The following TRPM1 variants were observed in gnomAD, a reference collection of about 807,000 sequenced individuals.
The protein encoded by TRPM1 is TRPM1-203 APA Isoform, Intron 10.
In TRPM1, 113 loss-of-function variants were observed where a neutral mutation model predicts 149.4. That is an observed-to-expected ratio of 0.76 (90% confidence interval 0.65 to 0.88). The LOEUF is 0.88. TRPM1 is among the 40% of genes least tolerant of loss of function. The pLI, the probability that TRPM1 is intolerant of heterozygous loss-of-function variation, is 0.00. For missense variants in TRPM1, 1,976 were observed against 2,038.7 expected, an observed-to-expected ratio of 0.97 and a Z score of 0.59; for synonymous variants, 741 against 759.5, an observed-to-expected ratio of 0.98 and a Z score of 0.40.
rs180869804 is a variant in TRPM1 at position 31,037,739 on chromosome 15, G to A, written c.2543C>T (p.Ala848Val). The A allele has an allele frequency of 3.2e-5, 52 of 1,614,182 alleles. No individual in the cohort carries two copies. The highest frequency in any genetic ancestry group is 2.2e-4 in the East Asian group (10 of 44,890). The change falls in exon 20 of 28, where the codon GCG becomes GTG. Residue 848 changes from alanine (A) to valine (V), a missense_variant. This residue lies in a region of TRPM1 where 1,332 missense variants were observed against 1,347.1 expected (regional missense o/e 0.99). Transcript: ENST00000256552. ...GTAAAACCAGAACTTGACAATGGGC[G>A]CGTTATAGAATTCACAGATCTTTGT... Reference protein sequence around the residue: ...IGTKICEFYNAPIVKFWFYTI... With the variant: ...IGTKICEFYNVPIVKFWFYTI...
chr15:31,096,821 G>T (rs1473239124), intron 1 of TRPM1, among the ~76,000 whole-genome samples: 1 of 152,190 alleles, frequency 6.6e-6, no homozygotes, highest in Non-Finnish European at 1.5e-5. Flanking sequence ...TCACCAGAGT[G>T]CTCAGGCACT....
At chr15:31,098,846 T>G (rs963566021) in intron 1 of TRPM1, among the ~76,000 whole-genome samples, 34 of 148,694 alleles carry the variant, frequency 2.3e-4, no homozygotes, top group African/African-American at 8.2e-4. Context: ...GGCCAGGGAT[T>G]GGGGGAGCGG....
At chr15:31,088,437 T>C (rs1323983787) in intron 1 of TRPM1, among the ~76,000 whole-genome samples, 1 of 152,154 alleles carries the variant, frequency 6.6e-6, no homozygotes, top group East Asian at 1.9e-4. Context: ...TTAAGAGCTG[T>C]AACACTGACT....
chr15:31,150,157 AT>A (rs1348844587), intron 1 of TRPM1, among the ~76,000 whole-genome samples: 3 of 152,112 alleles, frequency 2.0e-5, no homozygotes. Flanking sequence ...ATGGTGATGT[AT>A]TTTGCATGGA....
At chr15:31,108,741 G>T (rs1403529207) in intron 1 of TRPM1, among the ~76,000 whole-genome samples, 1 of 152,232 alleles carries the variant, frequency 6.6e-6, no homozygotes, top group African/African-American at 2.4e-5. Context: ...TGATCCATCT[G>T]CCTTGGCCTC....
intron 16 of TRPM1, among the ~76,000 whole-genome samples, chr15:31,045,322 G>A (rs963337831): frequency 1.3e-5 from 2 of 152,128 alleles, no homozygotes; most frequent in African/African-American, 2.4e-5. Context: ...AATATTTTTA[G>A]GTCTGGGACA....
chr15:31,026,189 C>T lies in TRPM1; in HGVS notation c.3579G>A (p.Glu1193=), dbSNP rs754998379. 1.5e-5 allele frequency: 24 copies of T among 1,612,364 alleles called. No individual in the cohort carries two copies. The highest frequency in any genetic ancestry group is 1.9e-5 in the Non-Finnish European group (22 of 1,180,040). Residue 1193 remains glutamate, a synonymous_variant, in exon 27 of 28, where the codon GAG becomes GAA. Coordinates refer to ENST00000256552, the MANE Select transcript of TRPM1 (RefSeq NM_001252024.2). ...QCVQEHFREK[E]DEQQSSSDER... ...CGTCGCTGGACGACTGCTGCTCATC[C>T]TCCTTCTCCCGGAAGTGCTCCTGCA...
intron 1 of TRPM1, among the ~76,000 whole-genome samples, chr15:31,151,184 G>A (rs906315979): frequency 9.9e-5 from 15 of 152,096 alleles, no homozygotes; most frequent in Non-Finnish European, 1.9e-4. Context: ...AACTCCAGGC[G>A]ATACCTCACA....
chr15:31,118,927 C>T (rs1396213385), intron 1 of TRPM1, among the ~76,000 whole-genome samples: 8 of 152,146 alleles, frequency 5.3e-5, no homozygotes, highest in Middle Eastern at 6.8e-3. Context: ...GCATTCAGTC[C>T]GTTGCATGAC....
chr15:31,036,800 C>T (rs1283284514), intron 20 of TRPM1, among the ~76,000 whole-genome samples: 1 of 152,216 alleles, frequency 6.6e-6, no homozygotes, highest in Non-Finnish European at 1.5e-5. Context: ...TCTTGGCTGC[C>T]ACAAGGTTGG....
At chr15:31,104,507 T>C (rs1479109095), upstream of TRPM1, among the ~76,000 whole-genome samples, 1 of 152,046 alleles carries the variant, frequency 6.6e-6, no homozygotes, top group Admixed American at 6.6e-5. Context: ...AGGAGACATC[T>C]CTTTTGCAAT....
Position 31,085,411 on chromosome 15 carries a change from T to C in TRPM1, c.-83-3973A>G, listed in dbSNP as rs183201847. On this transcript the variant is annotated intron_variant, in intron 1 of 27. Coordinates refer to ENST00000256552, the MANE Select transcript of TRPM1 (RefSeq NM_001252024.2). ...AGGGTATGTCTCTAATGCTAACCGT[T>C]GTAATTAAGAGCAATAAAAAGATCA... Among the ~76,000 whole-genome samples the C allele has an allele frequency of 7.2e-5, 11 of 152,348 alleles. No homozygotes were observed. In the East Asian group the frequency reaches 2.1e-3, roughly 29 times the overall value.
intron 1 of TRPM1, among the ~76,000 whole-genome samples, chr15:31,088,525 AC>A (rs1395361967): frequency 6.6e-6 from 1 of 152,198 alleles, no homozygotes; most frequent in Non-Finnish European, 1.5e-5. Flanking sequence ...TGGATGCGCC[AC>A]CTTTAAGAGC....
chr15:31,077,858 C>CA (rs2034751641), intron 2 of TRPM1, among the ~76,000 whole-genome samples: 1 of 151,072 alleles, frequency 6.6e-6, no homozygotes, highest in Non-Finnish European at 1.5e-5. Flanking sequence ...TGTGCGCACG[C>CA]ATGTGTGGTG....
At chr15:31,109,960 G>A (rs1016253130) in intron 1 of TRPM1, among the ~76,000 whole-genome samples, 2 of 152,146 alleles carry the variant, frequency 1.3e-5, no homozygotes, top group African/African-American at 2.4e-5. Context: ...GGCCAGCACT[G>A]GCCAAGCAAA....
At chr15:31,072,014 TATATAGAG>T (rs1465683873) in intron 3 of TRPM1, among the ~76,000 whole-genome samples, 124 of 28,234 alleles carry the variant, frequency 4.4e-3, no homozygotes, top group Non-Finnish European at 6.2e-3. Flanking sequence ...TATATATATA[TATATAGAG>T]AGAGAGAGAG....
At chr15:31,089,280 A>G (rs2035145809) in intron 1 of TRPM1, among the ~76,000 whole-genome samples, 1 of 147,212 alleles carries the variant, frequency 6.8e-6, no homozygotes, top group Non-Finnish European at 1.5e-5. Flanking sequence ...ATGGTGGGCC[A>G]ACATTGCCCG....
intron 6 of TRPM1, among the ~76,000 whole-genome samples, 199 bp from the exon 7 acceptor site, chr15:31,066,446 C>A (rs1271234244): frequency 6.6e-6 from 1 of 152,158 alleles, no homozygotes; most frequent in Non-Finnish European, 1.5e-5. Context: ...ATAATGACAA[C>A]CTAGCAATTG....
chr15:31,061,364 C>T (rs2034225985), intron 10 of TRPM1, 78 bp downstream of exon 10: 5 of 1,420,244 alleles, frequency 3.5e-6, no homozygotes, highest in African/African-American at 1.4e-5. Context: ...AGACATAGTC[C>T]ATGGGAGGCC....
Sources: allele counts gnomAD v4.1 joint callset (sites outside exome capture counted in the v4.1 genomes callset), GRCh38; gene constraint gnomAD v4.1.1; regional missense constraint gnomAD v4.1.1; transcripts MANE v1.5; gene names NCBI Gene and HGNC (gene_info 2026-07-23, HGNC 2026-07-21).